The following CACNA1S variants were observed in gnomAD, a reference collection of about 807,000 sequenced individuals.
The protein encoded by CACNA1S is voltage-dependent L-type calcium channel subunit alpha-1S.
CACNA1S carries 126 observed loss-of-function variants against 207.4 expected under a neutral mutation model. The observed-to-expected ratio is 0.61, with a 90% CI of 0.53 to 0.70. The LOEUF (loss-of-function observed/expected upper bound fraction) is 0.70, where lower values mean the gene tolerates loss of function less well. Ranked by LOEUF, CACNA1S falls within the 30% of genes least tolerant of loss-of-function variation. CACNA1S has a pLI of 0.00. For missense variants in CACNA1S, 2,349 were observed against 2,422.8 expected, an observed-to-expected ratio of 0.97 and a Z score of 0.64; for synonymous variants, 960 against 932.7, an observed-to-expected ratio of 1.03 and a Z score of -0.53.
chr1:201,071,162 G>A (rs1661427348), intron 16 of CACNA1S, among the ~76,000 whole-genome samples: 1 of 151,962 alleles, frequency 6.6e-6, no homozygotes, highest in Non-Finnish European at 1.5e-5. Context: ...GTTTCTCTTG[G>A]TTCCCTCCCC....
chr1:201,070,459 T>C (rs1661408596), intron 16 of CACNA1S, 55 bp from the exon 17 acceptor site: 2 of 1,610,286 alleles, frequency 1.2e-6, no homozygotes, highest in Non-Finnish European at 1.7e-6. Flanking sequence ...GCTATGCCCA[T>C]GGCTTCTGTG....
chr1:201,072,926 C>T, intron 15 of CACNA1S, 102 bp from the exon 16 acceptor site: 1 of 867,370 alleles, frequency 1.2e-6, no homozygotes, highest in Non-Finnish European at 2.0e-6. Context: ...CTCACTTAAT[C>T]ATCCCTACAG....
chr1:201,062,034 C>A lies in CACNA1S; in HGVS notation c.2963G>T (p.Arg988Leu), dbSNP rs747618077. 6.2e-7 allele frequency: 1 copy of A among 1,614,140 alleles called. No individual in the cohort carries two copies. Among genetic ancestry groups the A allele is most frequent in the Non-Finnish European group, 8.5e-7 (1 of 1,179,978 alleles). The change falls in exon 24 of 44, where the codon CGC becomes CTC. Residue 988 changes from arginine (R) to leucine (L), a missense_variant. Coordinates refer to ENST00000362061, the MANE Select transcript of CACNA1S (RefSeq NM_000069.3). ...GDPMQIELRH[R>L]EWVHSDFHFD... is the part of the protein sequence containing the mutation. ...GTGGAAGTCGCTGTGTACCCACTCG[C>A]GGTGACGCAGCTCTATCTGCATGGG...
At chr1:201,079,952 T>C (rs956649907) in intron 10 of CACNA1S, among the ~76,000 whole-genome samples, 1 of 152,212 alleles carries the variant, frequency 6.6e-6, no homozygotes, top group Admixed American at 6.5e-5. Context: ...TCAAGACTGT[T>C]TGGGGTAGTC....
At chr1:201,044,539 C>T in intron 38 of CACNA1S, 83 bp from the exon 39 acceptor site, 1 of 1,516,784 alleles carries the variant, frequency 6.6e-7, no homozygotes, top group Non-Finnish European at 9.0e-7. Context: ...GAGACAGAGT[C>T]TCACTCTGTT....
chr1:201,041,723 G>A lies in CACNA1S; in HGVS notation c.5049-134C>T, dbSNP rs535743054. 223 of 727,820 alleles carry A rather than the reference G, an allele frequency of 3.1e-4. 1 individual carries two copies. The highest frequency in any genetic ancestry group is 4.8e-4 in the Non-Finnish European group (197 of 406,726). The allele number at this position is 727,820 out of a possible 1,614,324, so 45.1% of individuals were successfully genotyped here. ...ACCTAGTGTAGCAGCCGTGACTCTA[G>A]GGCTGACGTTTCCACCACTGTGCCC... On this transcript the variant is annotated intron_variant, in intron 40 of 43. Coordinates refer to ENST00000362061, the MANE Select transcript of CACNA1S (RefSeq NM_000069.3).
chr1:201,111,657 C>G (rs58258683), intron 1 of CACNA1S, among the ~76,000 whole-genome samples: 9,579 of 152,194 alleles, frequency 0.063, 912 homozygotes, highest in African/African-American at 0.21. Flanking sequence ...ACTGTCACCC[C>G]CCACCCAACC....
chr1:201,062,527 AGAGGGAGGGAGG>A lies in CACNA1S; in HGVS notation c.2854-25_2854-14del. 3 of 1,157,558 alleles carry A rather than the reference AGAGGGAGGGAGG, an allele frequency of 2.6e-6. No homozygotes were observed. Among genetic ancestry groups the A allele is most frequent in the African/African-American group, 1.6e-5 (1 of 64,036 alleles). 71.7% of individuals were successfully genotyped at this position (1,157,558 alleles called of 1,614,324 possible). On this transcript the variant is annotated splice_polypyrimidine_tract_variant and intron_variant, in intron 22 of 43. Transcript: ENST00000362061. The stretch of plus-strand genomic sequence containing the variant: ...TGAAGAACTTCCCCTGCAGCCAGGA[AGAGGGAGGGAGG>A]GAGGGAGGCATGTTGTCATGGAAAC...
intron 37 of CACNA1S, 73 bp from the exon 38 acceptor site, chr1:201,047,312 C>A: frequency 6.3e-7 from 1 of 1,599,000 alleles, no homozygotes; most frequent in Non-Finnish European, 8.6e-7. Context: ...TGGGAGCCAG[C>A]TGTAGCCAGG....
At chr1:201,076,828 C>A in intron 12 of CACNA1S, 92 bp downstream of exon 12, 1 of 1,185,632 alleles carries the variant, frequency 8.4e-7, no homozygotes, top group Non-Finnish European at 1.3e-6. Context: ...ACAAGGCTTC[C>A]TGGAGAAGGT....
At chr1:201,093,800 C>T in intron 3 of CACNA1S, 82 bp downstream of exon 3, 1 of 1,545,730 alleles carries the variant, frequency 6.5e-7, no homozygotes, top group Non-Finnish European at 8.9e-7. Context: ...CACCCCACCT[C>T]TAAGATGCTG....
intron 2 of CACNA1S, among the ~76,000 whole-genome samples, chr1:201,097,363 C>G (rs1373993528): frequency 6.6e-6 from 1 of 152,156 alleles, no homozygotes; most frequent in Non-Finnish European, 1.5e-5. Flanking sequence ...CCCCTCTGGC[C>G]TCGTCACCAG....
intron 13 of CACNA1S, among the ~76,000 whole-genome samples, chr1:201,075,156 T>C (rs902118139): frequency 1.3e-5 from 2 of 152,200 alleles, no homozygotes; most frequent in African/African-American, 4.8e-5. Flanking sequence ...TGCCTGCCTC[T>C]GAACCTTTGG....
intron 2 of CACNA1S, among the ~76,000 whole-genome samples, chr1:201,097,342 A>G (rs945576038): frequency 4.6e-5 from 7 of 151,918 alleles, no homozygotes; most frequent in African/African-American, 1.5e-4. Flanking sequence ...CCATAACATG[A>G]CCCTTGCTGA....
chr1:201,097,774 T>C (rs925523132), intron 2 of CACNA1S, among the ~76,000 whole-genome samples: 99 of 152,262 alleles, frequency 6.5e-4, no homozygotes, highest in Admixed American at 1.2e-3. Context: ...TTGCTGCTGG[T>C]GGTGGGTGAG....
rs148365543 is a variant in CACNA1S, at chr1:201,068,192, G to A, written c.2550+945C>T. ...GCCTTTCCAGTCACTGTTAACAGAGGTCTAGGGATGACAAATCACACAGCT... is the reference window on the plus strand; with the variant it reads ...GCCTTTCCAGTCACTGTTAACAGAGATCTAGGGATGACAAATCACACAGCT... On this transcript the variant is annotated intron_variant, in intron 19 of 43. Coordinates refer to ENST00000362061, the MANE Select transcript of CACNA1S (RefSeq NM_000069.3). Among the ~76,000 whole-genome samples the A allele has an allele frequency of 9.5e-3, 1,416 of 149,786 alleles. 14 individuals carry two copies. The highest frequency in any genetic ancestry group is 0.015 in the Non-Finnish European group (1,028 of 67,672).
Position 201,068,485 on chromosome 1 carries a change from C to T in CACNA1S, c.2550+652G>A, listed in dbSNP as rs565545285. Among the ~76,000 whole-genome samples, 22 of 150,096 alleles carry T rather than the reference C, an allele frequency of 1.5e-4. No homozygotes were observed. In the South Asian group the frequency reaches 3.5e-3, roughly 24 times the overall value. On this transcript the variant is annotated intron_variant, in intron 19 of 43. Coordinates refer to ENST00000362061, the MANE Select transcript of CACNA1S (RefSeq NM_000069.3). The stretch of plus-strand genomic sequence containing the variant: ...CTGAAACTCTTGACCTCAGGTGATC[C>T]GCCCGCCTCGGCCTCCCAAAGTGCT...
chr1:201,066,141 C>T lies in CACNA1S; in HGVS notation c.2745+88G>A, dbSNP rs1270951396. On this transcript the variant is annotated intron_variant, in intron 21 of 43. Transcript: ENST00000362061. The surrounding 1 kb of genome is among the most constrained non-coding windows in gnomAD (Gnocchi z 4.3). ...CAGGGAGATGGGACAGGGGTCCCAG[C>T]CATGGCTGGGCTGAGGTTTCTGGAG... The T allele has an allele frequency of 1.5e-6, 2 of 1,317,372 alleles. No homozygotes were observed. The highest frequency in any genetic ancestry group is 1.4e-5 in the African/African-American group (1 of 69,014). 81.6% of individuals were successfully genotyped at this position (1,317,372 alleles called of 1,614,324 possible).
chr1:201,105,065 T>C (rs563050154), intron 2 of CACNA1S, among the ~76,000 whole-genome samples: 1 of 152,326 alleles, frequency 6.6e-6, no homozygotes, highest in South Asian at 2.1e-4. Context: ...CTGCTGCTGA[T>C]TTGCTGGAGG....
Sources: gnomAD v4.1 joint callset for allele counts (sites outside exome capture counted in the v4.1 genomes callset) on GRCh38, gnomAD v4.1.1 for gene constraint, Gnocchi (gnomAD v3.1) non-coding constraint, MANE v1.5 for transcripts, NCBI Gene and HGNC (gene_info 2026-07-23, HGNC 2026-07-21) for gene names.